SLC25A16: variants seen among roughly 807,000 people sequenced by gnomAD.
SLC25A16 encodes solute carrier family 25 member 16, also known as mitochondrial coenzyme A transporter SLC25A16.
In SLC25A16, 39 loss-of-function variants were observed where a neutral mutation model predicts 41.5. The observed-to-expected ratio is 0.94, with a 90% CI of 0.73 to 1.23. The LOEUF (loss-of-function observed/expected upper bound fraction) is 1.23. SLC25A16 is among the 50% of genes most tolerant of loss of function. The pLI is 0.00. For missense variants in SLC25A16, 421 were observed against 426.9 expected, an observed-to-expected ratio of 0.99 and a Z score of 0.12; for synonymous variants, 146 against 147.8, an observed-to-expected ratio of 0.99 and a Z score of 0.09.
chr10:68,478,278 G>A lies in SLC25A16; in HGVS notation c.*5154C>T, dbSNP rs1316767091. On this transcript the variant is annotated 3_prime_UTR_variant, in exon 9 of 9. Coordinates refer to ENST00000609923, the MANE Select transcript of SLC25A16 (RefSeq NM_152707.4). ...ATGGAGATTGAGCTAAGGCATCAAA[G>A]GTGCTTAAAACAAGGAATGCCACAT... 2 of 152,118 alleles carry A rather than the reference G, an allele frequency of 1.3e-5. No homozygotes were observed. Among genetic ancestry groups the A allele is most frequent in the Admixed American group, 1.3e-4 (2 of 15,256 alleles). The allele number at this position is 152,118 out of a possible 1,614,324, so 9.4% of individuals were successfully genotyped here.
At chr10:68,491,959 G>A (rs1337238542) in intron 6 of SLC25A16, among the ~76,000 whole-genome samples, 1 of 152,080 alleles carries the variant, frequency 6.6e-6, no homozygotes. Context: ...CTCCTGAGTA[G>A]CTGGGATTAC....
At chr10:68,491,296 G>A (rs1369657363) in intron 6 of SLC25A16, among the ~76,000 whole-genome samples, 1 of 150,998 alleles carries the variant, frequency 6.6e-6, no homozygotes, top group Non-Finnish European at 1.5e-5. Context: ...GTGCAATCTT[G>A]GCTCACTGCA....
At chr10:68,508,353 T>A (rs1258496621) in intron 2 of SLC25A16, among the ~76,000 whole-genome samples, 1 of 142,172 alleles carries the variant, frequency 7.0e-6, no homozygotes, top group Non-Finnish European at 1.5e-5. Context: ...TGTCAATTCA[T>A]CGAGAGAACA....
intron 8 of SLC25A16, among the ~76,000 whole-genome samples, chr10:68,484,407 G>A (rs1156986853): frequency 6.0e-5 from 9 of 149,468 alleles, no homozygotes; most frequent in Non-Finnish European, 1.2e-4. Context: ...AATCTGGACC[G>A]AAATCTTTTC....
chr10:68,511,401 A>G (rs2053061037), intron 2 of SLC25A16, among the ~76,000 whole-genome samples: 1 of 152,200 alleles, frequency 6.6e-6, no homozygotes, highest in Non-Finnish European at 1.5e-5. Context: ...CTTGTAGGGT[A>G]TACTGTAACC....
At chr10:68,509,989 A>G (rs2053032640) in intron 2 of SLC25A16, among the ~76,000 whole-genome samples, 1 of 151,798 alleles carries the variant, frequency 6.6e-6, no homozygotes, top group Admixed American at 6.6e-5. Context: ...AGGCGGGAGA[A>G]TCGCTTGAAA....
At chr10:68,511,035 G>A (rs537327299) in intron 2 of SLC25A16, among the ~76,000 whole-genome samples, 20 of 152,198 alleles carry the variant, frequency 1.3e-4, no homozygotes, top group African/African-American at 3.9e-4. Flanking sequence ...TCAGGAGGTC[G>A]AGACCAGCAT....
rs1433912916 is a variant in SLC25A16 at position 68,506,585 on chromosome 10, C to T, written c.357G>A (p.Thr119=). 11 of 1,559,146 alleles carry T rather than the reference C, an allele frequency of 7.1e-6. No individual in the cohort carries two copies. Among genetic ancestry groups the T allele is most frequent in the African/African-American group, 2.8e-5 (2 of 72,260 alleles). ...IQFMAFEHYK[T]LITTKLGISG... ...AGAGAAAAGATCAAAGTTTAACTAC[C>T]GTTTTATAATGCTCAAATGCCATAA... The change falls in exon 3 of 9, where the codon ACG becomes ACA. Residue 119 remains threonine (T), a splice_region_variant and synonymous_variant. Transcript: ENST00000609923.
chr10:68,503,888 T>C (rs1174253711), intron 3 of SLC25A16, among the ~76,000 whole-genome samples, 193 bp from the exon 4 acceptor site: 1 of 152,168 alleles, frequency 6.6e-6, no homozygotes, highest in Non-Finnish European at 1.5e-5. Flanking sequence ...ATTTCCTCTG[T>C]AGTCTCTGCT....
chr10:68,516,920 G>T, intron 1 of SLC25A16, 77 bp from the exon 2 acceptor site: 2 of 1,236,000 alleles, frequency 1.6e-6, no homozygotes, highest in Non-Finnish European at 2.3e-6. Flanking sequence ...TGTTCAGCCA[G>T]CAAACCCTCT....
At chr10:68,484,346 C>G (rs2052525224) in intron 8 of SLC25A16, among the ~76,000 whole-genome samples, 1 of 151,962 alleles carries the variant, frequency 6.6e-6, no homozygotes, top group African/African-American at 2.4e-5. Context: ...CAGAGTTGTT[C>G]CTTTCCTTTC....
chr10:68,504,770 T>A (rs1211643636), intron 3 of SLC25A16, among the ~76,000 whole-genome samples: 1 of 152,020 alleles, frequency 6.6e-6, no homozygotes, highest in Non-Finnish European at 1.5e-5. Context: ...AACCTCCGTA[T>A]CCCGGGTTCA....
chr10:68,506,086 T>G (rs973868410), intron 3 of SLC25A16, among the ~76,000 whole-genome samples: 1 of 152,084 alleles, frequency 6.6e-6, no homozygotes, highest in Non-Finnish European at 1.5e-5. Context: ...GACTAACAAT[T>G]CTGGAATCGG....
chr10:68,497,605 C>CTTTT (rs5785865), intron 4 of SLC25A16, among the ~76,000 whole-genome samples: 2 of 138,478 alleles, frequency 1.4e-5, no homozygotes, highest in African/African-American at 5.5e-5. Context: ...CTTCTAACAT[C>CTTTT]TTTTTTTTTT....
At position 68,489,608 on chromosome 10, in the gene SLC25A16, T is replaced by C. The variant is rs116644240; in HGVS notation, c.611-979A>G. ...CTAAGCATTACTCAAGATATTGTGA[T>C]GTTTATTGAATTGGCCAGGCGCGGT... is the stretch of plus-strand genomic sequence containing the variant. On this transcript the variant is annotated intron_variant, in intron 6 of 8. Coordinates refer to ENST00000609923, the MANE Select transcript of SLC25A16 (RefSeq NM_152707.4). Among the ~76,000 whole-genome samples the C allele has an allele frequency of 3.9e-3, 590 of 152,076 alleles. 8 individuals carry two copies. Among genetic ancestry groups the C allele is most frequent in the African/African-American group, 0.014 (569 of 41,516 alleles).
rs12268626 is a variant in SLC25A16, at chr10:68,508,887, G to A, written c.224-2169C>T. 6.5e-3 allele frequency among the ~76,000 whole-genome samples: 985 copies of A among 152,212 alleles called. 8 individuals are homozygous for A. Among genetic ancestry groups the A allele is most frequent in the African/African-American group, 0.022 (931 of 41,552 alleles). ...GCTAATGATAAGGTAGAAGTATCGA[G>A]GGGGTTTCAACTACACTGACAATGT... On this transcript the variant is annotated intron_variant, in intron 2 of 8. Transcript: ENST00000609923.
At chr10:68,496,643 C>T in intron 4 of SLC25A16, 2 of 980,690 alleles carry the variant, frequency 2.0e-6, no homozygotes, top group Non-Finnish European at 2.4e-6. Flanking sequence ...CAAAGTCAGA[C>T]TTTTTTCTCT....
chr10:68,484,871 CTG>C (rs1475028870), intron 8 of SLC25A16, among the ~76,000 whole-genome samples: 1 of 152,132 alleles, frequency 6.6e-6, no homozygotes, highest in East Asian at 1.9e-4. Flanking sequence ...AAAGAAAACT[CTG>C]GAGCTGTGCT....
rs190637817 is a variant in SLC25A16 at position 68,518,645 on chromosome 10, G to A, written c.131-1802C>T. Reference sequence around the variant, plus strand: ...AAAAATTAGCTGGGCATGGTGGTGCGTGCATGTAATCCCAGCTGCTTGGGA... The same window carrying A: ...AAAAATTAGCTGGGCATGGTGGTGCATGCATGTAATCCCAGCTGCTTGGGA... On this transcript the variant is annotated intron_variant, in intron 1 of 8. Transcript: ENST00000609923. Among the ~76,000 whole-genome samples the A allele has an allele frequency of 1.6e-3, 236 of 151,474 alleles. 2 individuals carry two copies. The highest frequency in any genetic ancestry group is 0.01 in the Middle Eastern group (3 of 294).
Sources: gnomAD v4.1 joint callset for allele counts (sites outside exome capture counted in the v4.1 genomes callset) on GRCh38, gnomAD v4.1.1 for gene constraint, MANE v1.5 for transcripts, NCBI Gene and HGNC (gene_info 2026-07-23, HGNC 2026-07-21) for gene names.